Variants in VWA8 observed in about 807,000 individuals in gnomAD.
The protein encoded by VWA8 is von Willebrand factor A domain containing 8, also known as von Willebrand factor A domain-containing protein 8.
Under a neutral mutation model 241.5 loss-of-function variants are expected in VWA8, and 221 were observed. That is an observed-to-expected ratio of 0.91 (90% CI 0.82 to 1.02). The LOEUF (loss-of-function observed/expected upper bound fraction) is 1.02. Among genes scored for constraint, VWA8 ranks in the 50% least tolerant of loss-of-function variants. The pLI is 0.00. For missense variants in VWA8, 2,322 were observed against 2,328.7 expected (o/e 1.00, Z 0.06); for synonymous variants, 852 against 827.1 (o/e 1.03, Z -0.52).
chr13:41,929,337 G>C (rs555859698), intron 2 of VWA8, among the ~76,000 whole-genome samples: 9 of 151,758 alleles, frequency 5.9e-5, no homozygotes, highest in Admixed American at 6.6e-5. Context: ...TTTTTTTATA[G>C]AGACAGGGCC....
At chr13:41,694,168 A>G in intron 29 of VWA8, among the ~76,000 whole-genome samples, 1 of 151,998 alleles carries the variant, frequency 6.6e-6, no homozygotes. Context: ...CTGTCATATA[A>G]TTTAGTTAGA....
At chr13:41,932,951 T>C (rs1223650806) in intron 2 of VWA8, among the ~76,000 whole-genome samples, 2 of 152,000 alleles carry the variant, frequency 1.3e-5, no homozygotes, top group African/African-American at 4.8e-5. Flanking sequence ...TAATGTTTTA[T>C]ATAATAAATT....
intron 28 of VWA8, among the ~76,000 whole-genome samples, 154 bp from the exon 29 acceptor site, chr13:41,699,424 C>T (rs1467585903): frequency 6.6e-6 from 1 of 152,152 alleles, no homozygotes; most frequent in Non-Finnish European, 1.5e-5. Context: ...CTGAAAAGAC[C>T]ATGAGAAACA....
At chr13:41,897,326 G>A (rs756601259) in intron 4 of VWA8, among the ~76,000 whole-genome samples, 1 of 152,098 alleles carries the variant, frequency 6.6e-6, no homozygotes. Context: ...CTAATCACCA[G>A]AGAAATGCAA....
At chr13:41,919,636 C>T (rs1876419616) in intron 2 of VWA8, among the ~76,000 whole-genome samples, 2 of 152,136 alleles carry the variant, frequency 1.3e-5, no homozygotes, top group Non-Finnish European at 2.9e-5. Flanking sequence ...CCATCCCCTG[C>T]ATCCCAGACA....
chr13:41,822,871 G>A (rs1484559411), intron 14 of VWA8, among the ~76,000 whole-genome samples: 1 of 152,096 alleles, frequency 6.6e-6, no homozygotes, highest in Non-Finnish European at 1.5e-5. Context: ...CACACTATGT[G>A]ATTCCATTTA....
chr13:41,767,277 C>T (rs1434931564), intron 20 of VWA8, among the ~76,000 whole-genome samples: 1 of 151,988 alleles, frequency 6.6e-6, no homozygotes, highest in Admixed American at 6.6e-5. Flanking sequence ...AAATAAATTC[C>T]AATTGCTTTA....
At chr13:41,612,595 C>G (rs1234047787) in intron 38 of VWA8, among the ~76,000 whole-genome samples, 1 of 152,050 alleles carries the variant, frequency 6.6e-6, no homozygotes, top group Non-Finnish European at 1.5e-5. Flanking sequence ...CTACATGGAC[C>G]AGAGAAAAAA....
At chr13:41,958,959 A>T (rs1410112344) in intron 1 of VWA8, among the ~76,000 whole-genome samples, 1 of 152,244 alleles carries the variant, frequency 6.6e-6, no homozygotes, top group Non-Finnish European at 1.5e-5. Context: ...ATGTGTTTTT[A>T]CAATCAACAT....
intron 39 of VWA8, among the ~76,000 whole-genome samples, chr13:41,610,698 C>A (rs756746219): frequency 3.3e-5 from 5 of 152,168 alleles, no homozygotes; most frequent in Non-Finnish European, 7.4e-5. Context: ...TCCTTTCATG[C>A]AGCACAAAAA....
At chr13:41,595,378 T>C (rs1225760993) in intron 40 of VWA8, among the ~76,000 whole-genome samples, 1 of 152,158 alleles carries the variant, frequency 6.6e-6, no homozygotes, top group African/African-American at 2.4e-5. Flanking sequence ...GCTGCCTTTT[T>C]CTTTCTTTTT....
At position 41,719,328 on chromosome 13, in the gene VWA8, CTG is replaced by C. The variant is rs1197320066; in HGVS notation, c.3116+261_3116+262del. 2.3e-6 allele frequency: 3 copies of C among 1,278,656 alleles called. No homozygotes were observed. In the African/African-American group the frequency reaches 4.6e-5, roughly 20 times the overall value. 79.2% of individuals were successfully genotyped at this position (1,278,656 alleles called of 1,614,324 possible). Reference sequence around the variant, plus strand: ...TACGCATAGTAATTCAACAAAAGGACTGAGACTGTTAAAGAAACAAATATTTC... The same window carrying C: ...TACGCATAGTAATTCAACAAAAGGACAGACTGTTAAAGAAACAAATATTTC... On this transcript the variant is annotated intron_variant, in intron 26 of 44. Coordinates refer to ENST00000379310, the MANE Select transcript of VWA8 (RefSeq NM_015058.2).
Position 41,789,929 on chromosome 13 carries a change from TACTC to T in VWA8, c.2064-2390_2064-2387del, listed in dbSNP as rs1201687236. On this transcript the variant is annotated intron_variant, in intron 17 of 44. Transcript: ENST00000379310. The stretch of plus-strand genomic sequence containing the variant: ...TAATTGACTATATTTGTGCCTTAAT[TACTC>T]AGGAAGGTTTTGTTTGTTCATTGAG... Among the ~76,000 whole-genome samples the T allele has an allele frequency of 2.0e-5, 3 of 152,312 alleles. No individual in the cohort carries two copies. In the East Asian group the frequency reaches 5.8e-4, roughly 29 times the overall value.
In VWA8 at chr13:41,746,134, T is replaced by G. The variant is rs562719051; in HGVS notation, c.2427-13979A>C. ...AATTTGGAAAAATATGAACAGTTGT[T>G]AAATCTGGGTGATAAATTTGGATAT... On this transcript the variant is annotated intron_variant, in intron 21 of 44. Coordinates refer to ENST00000379310, the MANE Select transcript of VWA8 (RefSeq NM_015058.2). Among the ~76,000 whole-genome samples the G allele has an allele frequency of 6.6e-5, 10 of 152,320 alleles. No homozygotes were observed. In the East Asian group the frequency reaches 1.9e-3, roughly 29 times the overall value.
intron 4 of VWA8, among the ~76,000 whole-genome samples, chr13:41,895,835 T>C (rs1324207077): frequency 6.6e-6 from 1 of 150,744 alleles, no homozygotes; most frequent in African/African-American, 2.4e-5. Context: ...AATTTTCTTT[T>C]TTTTTTTTTT....
intron 12 of VWA8, among the ~76,000 whole-genome samples, chr13:41,845,037 AG>A (rs1215224103): frequency 6.6e-6 from 1 of 152,184 alleles, no homozygotes; most frequent in Non-Finnish European, 1.5e-5. Context: ...CCACACAAAT[AG>A]AAAAAATTAT....
At chr13:41,610,553 T>C (rs1229911832) in intron 39 of VWA8, among the ~76,000 whole-genome samples, 1 of 152,108 alleles carries the variant, frequency 6.6e-6, no homozygotes, top group Non-Finnish European at 1.5e-5. Context: ...GGGCCTGCAT[T>C]CTTGTCTCTA....
At chr13:41,863,885 C>T (rs1044873520) in intron 12 of VWA8, among the ~76,000 whole-genome samples, 1 of 152,172 alleles carries the variant, frequency 6.6e-6, no homozygotes, top group East Asian at 1.9e-4. Flanking sequence ...ATCATTTATA[C>T]AGCAAACTTC....
chr13:41,913,937 T>C (rs1192562937), intron 2 of VWA8, among the ~76,000 whole-genome samples: 1 of 152,168 alleles, frequency 6.6e-6, no homozygotes, highest in Non-Finnish European at 1.5e-5. Context: ...AATGTTTAGA[T>C]GTTACAATAG....
Sources: gnomAD v4.1 joint callset for allele counts (sites outside exome capture counted in the v4.1 genomes callset) on GRCh38, gnomAD v4.1.1 for gene constraint, MANE v1.5 for transcripts, NCBI Gene and HGNC (gene_info 2026-07-23, HGNC 2026-07-21) for gene names.